Variants in UBAC2 observed in about 807,000 individuals in gnomAD.
UBAC2 encodes ubiquitin-associated domain-containing protein 2.
Under a neutral mutation model 44.0 loss-of-function variants are expected in UBAC2, and 26 were observed. The ratio of observed to expected loss-of-function variants is 0.59; its 90% CI spans 0.43 to 0.82. UBAC2 has a LOEUF of 0.82. UBAC2 is among the 40% of genes least tolerant of loss of function. UBAC2 has a pLI of 0.00. For missense variants in UBAC2, 329 were observed against 419.4 expected, an observed-to-expected ratio of 0.78 and a Z score of 1.88; for synonymous variants, 155 against 154.3, an observed-to-expected ratio of 1.00 and a Z score of -0.04.
chr13:99,201,925 T>A (rs2042806702), intron 1 of UBAC2, among the ~76,000 whole-genome samples: 1 of 151,854 alleles, frequency 6.6e-6, no homozygotes, highest in Non-Finnish European at 1.5e-5. Context: ...CACAAAAAAT[T>A]AGCTGGGCGT....
intron 1 of UBAC2, among the ~76,000 whole-genome samples, chr13:99,232,405 G>GATATATATATAT (rs145868043): frequency 3.7e-4 from 44 of 117,886 alleles, no homozygotes; most frequent in African/African-American, 1.1e-3. Flanking sequence ...GAGAGATATA[G>GATATATATATAT]ATATATATAT....
At chr13:99,221,444 G>A (rs1316854636) in intron 1 of UBAC2, among the ~76,000 whole-genome samples, 2 of 152,206 alleles carry the variant, frequency 1.3e-5, no homozygotes, top group Non-Finnish European at 1.5e-5. Context: ...GTGCAGTGTA[G>A]TCAGTTGTGT....
intron 4 of UBAC2, chr13:99,294,927 A>G (rs2044144927): frequency 2.1e-6 from 2 of 947,168 alleles, no homozygotes; most frequent in African/African-American, 1.7e-5. Flanking sequence ...CGAGTTGGAG[A>G]TGGGAAAGTG....
intron 3 of UBAC2, 49 bp from the exon 4 acceptor site, chr13:99,244,466 A>G (rs1566464900): frequency 1.5e-6 from 2 of 1,324,102 alleles, no homozygotes; most frequent in Non-Finnish European, 1.1e-6. Context: ...ATGTTAGTTT[A>G]TTTTTAGGAG....
chr13:99,376,900 A>G (rs149005667), intron 8 of UBAC2: 1 of 152,200 alleles, frequency 6.6e-6, no homozygotes, highest in African/African-American at 2.4e-5. Context: ...TCTTTGAGAC[A>G]TTTTTAAAAT....
chr13:99,234,854 A>G (rs916264278), intron 1 of UBAC2, among the ~76,000 whole-genome samples: 1 of 152,222 alleles, frequency 6.6e-6, no homozygotes, highest in Non-Finnish European at 1.5e-5. Context: ...ACTTGGGGGA[A>G]ATGTTCCTGA....
chr13:99,231,503 C>T (rs933149683), intron 1 of UBAC2: 5 of 137,292 alleles, frequency 3.6e-5, no homozygotes, highest in Admixed American at 7.7e-5. Context: ...GTCTCTGTCT[C>T]CTGGGTTCAA....
chr13:99,248,129 TC>T (rs1404987441), intron 4 of UBAC2, among the ~76,000 whole-genome samples: 2 of 152,252 alleles, frequency 1.3e-5, no homozygotes, highest in Non-Finnish European at 2.9e-5. Flanking sequence ...TTTCTTGATT[TC>T]AACTACAGTG....
chr13:99,356,151 T>C (rs1463499091), intron 7 of UBAC2: 1 of 534,650 alleles, frequency 1.9e-6, no homozygotes, highest in East Asian at 5.4e-5. Flanking sequence ...GAAGCATCCC[T>C]TGCAGGGGCT....
At chr13:99,325,719 C>T (rs2044633049) in intron 6 of UBAC2, among the ~76,000 whole-genome samples, 1 of 152,198 alleles carries the variant, frequency 6.6e-6, no homozygotes, top group South Asian at 2.1e-4. Context: ...CCCCTAGCAA[C>T]CACCATTTTA....
At chr13:99,203,315 C>T (rs1257743224) in intron 1 of UBAC2, among the ~76,000 whole-genome samples, 1 of 152,116 alleles carries the variant, frequency 6.6e-6, no homozygotes, top group African/African-American at 2.4e-5. Flanking sequence ...GGATTACAGG[C>T]GTGAGCCACT....
intron 8 of UBAC2, among the ~76,000 whole-genome samples, chr13:99,373,779 C>G (rs1476928978): frequency 1.3e-5 from 2 of 152,166 alleles, no homozygotes; most frequent in Non-Finnish European, 2.9e-5. Context: ...GGAGGCCAGA[C>G]AGGCTCGCCA....
At chr13:99,347,524 G>C (rs1464143159) in intron 7 of UBAC2, among the ~76,000 whole-genome samples, 1 of 152,010 alleles carries the variant, frequency 6.6e-6, no homozygotes, top group Non-Finnish European at 1.5e-5. Context: ...CTGTGGTCAC[G>C]CTGGTCCCCG....
At chr13:99,201,695 A>G in intron 1 of UBAC2, 1 of 997,056 alleles carries the variant, frequency 1.0e-6, no homozygotes, top group Non-Finnish European at 1.5e-6. Flanking sequence ...AACAGCTCTA[A>G]TTTTGCAATT....
intron 7 of UBAC2, among the ~76,000 whole-genome samples, chr13:99,366,528 G>A (rs542890723): frequency 2.6e-5 from 4 of 152,174 alleles, no homozygotes; most frequent in Non-Finnish European, 5.9e-5. Flanking sequence ...AACAACATAT[G>A]TATAGTATAA....
At chr13:99,216,080 A>ATT (rs2042991235) in intron 1 of UBAC2, among the ~76,000 whole-genome samples, 2 of 90,524 alleles carry the variant, frequency 2.2e-5, no homozygotes, top group Admixed American at 2.5e-4. Flanking sequence ...ACCAACCTAT[A>ATT]TTTGTGTGTG....
intron 1 of UBAC2, among the ~76,000 whole-genome samples, chr13:99,219,007 A>G (rs2043026790): frequency 6.6e-6 from 1 of 152,132 alleles, no homozygotes; most frequent in Non-Finnish European, 1.5e-5. Context: ...CTGATGAAAA[A>G]CTTTATGAGA....
chr13:99,322,914 C>T (rs1218003763), intron 6 of UBAC2, among the ~76,000 whole-genome samples: 3 of 152,180 alleles, frequency 2.0e-5, no homozygotes, highest in African/African-American at 7.2e-5. Context: ...TTGCCTTTCT[C>T]TCTTCCCTCT....
intron 7 of UBAC2, among the ~76,000 whole-genome samples, chr13:99,352,452 T>A (rs2045108123): frequency 6.6e-6 from 1 of 152,346 alleles, no homozygotes; most frequent in Middle Eastern, 3.4e-3. Flanking sequence ...ATGACTGGCT[T>A]CTTTCGCTGA....
Sources: gnomAD v4.1 joint callset for allele counts (sites outside exome capture counted in the v4.1 genomes callset) on GRCh38, gnomAD v4.1.1 for gene constraint, MANE v1.5 for transcripts, NCBI Gene and HGNC (gene_info 2026-07-23, HGNC 2026-07-21) for gene names.